The following PRELID2 variants were observed in gnomAD, a reference collection of about 807,000 sequenced individuals.
The protein encoded by PRELID2 is PRELI domain containing 2.
In PRELID2, 25 loss-of-function variants were observed where a neutral mutation model predicts 28.4. That is an observed-to-expected ratio of 0.88 (90% CI 0.64 to 1.23). The LOEUF is 1.23. Among genes scored for constraint, PRELID2 ranks in the 50% most tolerant of loss-of-function variants. The pLI is 0.00. For synonymous variants in PRELID2, 76 were observed against 71.6 expected (o/e 1.06, Z -0.31); for missense variants, 201 against 214.4 (o/e 0.94, Z 0.39).
At chr5:145,490,595 G>C (rs1029208151) in intron 1 of PRELID2, among the ~76,000 whole-genome samples, 10 of 152,054 alleles carry the variant, frequency 6.6e-5, no homozygotes, top group Admixed American at 2.0e-4. Context: ...AAATGCTAAA[G>C]GGAAACATAA....
chr5:145,378,210 C>T, the PRELID2 span, among the ~76,000 whole-genome samples: 1 of 152,080 alleles, frequency 6.6e-6, no homozygotes, highest in African/African-American at 2.4e-5. Flanking sequence ...TTTCTAGCTG[C>T]CTTTAACATT....
chr5:145,271,228 A>C, the PRELID2 span, among the ~76,000 whole-genome samples: 1 of 152,032 alleles, frequency 6.6e-6, no homozygotes, highest in Non-Finnish European at 1.5e-5. Flanking sequence ...CCTAAGGCAA[A>C]TTCTACACTT....
At position 145,652,254 on chromosome 5, in the gene PRELID2, G is replaced by A. The variant is rs555628047; in HGVS notation, n.70+112677C>T. 2.0e-5 allele frequency among the ~76,000 whole-genome samples: 3 copies of A among 152,322 alleles called. No homozygotes were observed. The East Asian group carries it at 5.8e-4, about 29-fold the overall frequency. The stretch of plus-strand genomic sequence containing the variant: ...GCCTCCAAGAAATATGGGACTATGT[G>A]AAAAGACCAAATCTATGTCTGATTG... On this transcript the variant is annotated intron_variant and non_coding_transcript_variant, in intron 1 of 2. Transcript: ENST00000510259.
intron 1 of PRELID2, among the ~76,000 whole-genome samples, chr5:145,574,588 G>T (rs994452039): frequency 6.6e-6 from 1 of 152,014 alleles, no homozygotes; most frequent in Non-Finnish European, 1.5e-5. Context: ...TATGTTTTGG[G>T]GTCCTTACCG....
At chr5:145,555,900 T>G (rs1368473583) in intron 1 of PRELID2, among the ~76,000 whole-genome samples, 2 of 152,114 alleles carry the variant, frequency 1.3e-5, no homozygotes, top group Non-Finnish European at 2.9e-5. Context: ...TTAAAACTTG[T>G]GCTCAGGCCA....
chr5:145,692,493 A>T (rs993430584), intron 1 of PRELID2, among the ~76,000 whole-genome samples: 7 of 152,172 alleles, frequency 4.6e-5, no homozygotes, highest in Non-Finnish European at 8.8e-5. Flanking sequence ...CCATGCATCA[A>T]TCAGAAGAGT....
chr5:145,666,932 A>T (rs970419921), intron 1 of PRELID2, among the ~76,000 whole-genome samples: 1 of 152,092 alleles, frequency 6.6e-6, no homozygotes, highest in African/African-American at 2.4e-5. Context: ...TACGTGACCA[A>T]TTTAAGATAT....
chr5:145,329,760 A>G, the PRELID2 span, among the ~76,000 whole-genome samples: 2 of 152,184 alleles, frequency 1.3e-5, no homozygotes, highest in African/African-American at 4.8e-5. Flanking sequence ...CCCTATTTGA[A>G]TACCCTTTAT....
the PRELID2 span, among the ~76,000 whole-genome samples, chr5:145,384,262 A>G: frequency 2.0e-5 from 3 of 152,224 alleles, no homozygotes; most frequent in African/African-American, 7.2e-5. Context: ...ATAGGCATTT[A>G]TCCAAGATTA....
chr5:145,445,171 A>G, the PRELID2 span, among the ~76,000 whole-genome samples: 1 of 152,230 alleles, frequency 6.6e-6, no homozygotes, highest in African/African-American at 2.4e-5. Context: ...TGACACTGGT[A>G]TAAAAACAGA....
At chr5:145,326,381 T>C in the PRELID2 span, among the ~76,000 whole-genome samples, 1 of 152,148 alleles carries the variant, frequency 6.6e-6, no homozygotes, top group South Asian at 2.1e-4. Flanking sequence ...GGTTTATTTG[T>C]ATAAATACAC....
At chr5:145,735,113 C>T (rs962310274) in intron 1 of PRELID2, among the ~76,000 whole-genome samples, 1 of 151,760 alleles carries the variant, frequency 6.6e-6, no homozygotes, top group African/African-American at 2.4e-5. Context: ...GGCATGGTGG[C>T]GGGCACCTGT....
intron 1 of PRELID2, among the ~76,000 whole-genome samples, chr5:145,608,000 C>T (rs1383797462): frequency 6.6e-6 from 1 of 151,156 alleles, no homozygotes; most frequent in Non-Finnish European, 1.5e-5. Context: ...TTATGTAATG[C>T]CCTGCTTTGT....
chr5:145,816,006 A>G (rs1254453692), intron 4 of PRELID2, among the ~76,000 whole-genome samples: 1 of 148,752 alleles, frequency 6.7e-6, no homozygotes, highest in Non-Finnish European at 1.5e-5. Flanking sequence ...ACCATTTTAT[A>G]TTCCCATAAG....
chr5:145,703,907 A>G (rs1350588993), intron 1 of PRELID2: 2 of 152,208 alleles, frequency 1.3e-5, no homozygotes, highest in African/African-American at 4.8e-5. Flanking sequence ...CAACTTAGAG[A>G]GAAAATAAAT....
intron 1 of PRELID2, among the ~76,000 whole-genome samples, chr5:145,743,137 G>A (rs914130652): frequency 3.3e-5 from 5 of 152,114 alleles, no homozygotes; most frequent in South Asian, 4.1e-4. Flanking sequence ...GGCCGGGCGC[G>A]GTGGCTCACA....
the PRELID2 span, among the ~76,000 whole-genome samples, chr5:145,245,782 G>A: frequency 4.6e-5 from 7 of 152,046 alleles, 1 homozygote; most frequent in African/African-American, 9.7e-5. Flanking sequence ...GTGTGAATTT[G>A]GGTATTTCAC....
At chr5:145,374,394 C>T in the PRELID2 span, among the ~76,000 whole-genome samples, 1 of 152,132 alleles carries the variant, frequency 6.6e-6, no homozygotes, top group Non-Finnish European at 1.5e-5. Flanking sequence ...CCTGGCCTTT[C>T]ACTCTGGCTG....
the PRELID2 span, among the ~76,000 whole-genome samples, chr5:145,262,990 G>A: frequency 2.4e-4 from 36 of 152,150 alleles, no homozygotes; most frequent in African/African-American, 7.9e-4. Flanking sequence ...ATAAGGGGTG[G>A]AAAACAATAT....
Sources: gnomAD v4.1 joint callset for allele counts (sites outside exome capture counted in the v4.1 genomes callset) on GRCh38, gnomAD v4.1.1 for gene constraint, MANE v1.5 for transcripts, NCBI Gene and HGNC (gene_info 2026-07-23, HGNC 2026-07-21) for gene names.